Variants in P3H4 observed in about 807,000 individuals in gnomAD.
P3H4 encodes endoplasmic reticulum protein SC65.
A neutral mutation model predicts 52.9 loss-of-function variants in P3H4; 47 were observed. That is an observed-to-expected ratio of 0.89 (90% CI 0.70 to 1.13). P3H4 has a LOEUF of 1.13. Among genes scored for constraint, P3H4 ranks in the 50% most tolerant of loss-of-function variants. The pLI is 0.00. For synonymous variants in P3H4, 256 were observed against 267.9 expected, an observed-to-expected ratio of 0.96 and a Z score of 0.44; for missense variants, 585 against 611.0, an observed-to-expected ratio of 0.96 and a Z score of 0.45.
chr17:41,811,394 T>G lies in P3H4; in HGVS notation c.462+60A>C. 1 of 1,607,322 alleles carries G rather than the reference T, an allele frequency of 6.2e-7. No homozygotes were observed. Among genetic ancestry groups the G allele is most frequent in the Non-Finnish European group, 8.5e-7 (1 of 1,175,982 alleles). On this transcript the variant is annotated intron_variant, in intron 1 of 7. Coordinates refer to ENST00000393928, the MANE Select transcript of P3H4 (RefSeq NM_006455.3). This position sits in a 1 kb window ranked among gnomAD's most constrained non-coding sequence, Gnocchi z 4.8. Reference sequence around the variant, plus strand: ...GTGAAGATAACGCTCCTTCGACCGATCTGTGGGGAGCCACGACGCCCAGCC... The same window carrying G: ...GTGAAGATAACGCTCCTTCGACCGAGCTGTGGGGAGCCACGACGCCCAGCC...
Position 41,811,908 on chromosome 17 carries a change from C to A in P3H4, c.8G>T (p.Arg3Leu). 1 of 1,503,770 alleles carries A rather than the reference C, an allele frequency of 6.6e-7. No individual in the cohort carries two copies. The highest frequency in any genetic ancestry group is 1.2e-5 in the South Asian group (1 of 80,934). 93.2% of individuals were successfully genotyped at this position (1,503,770 alleles called of 1,614,324 possible). A position where few individuals can be genotyped will look rare whatever the true frequency, so the allele number is the denominator to read the frequency against. Residue 3 changes from arginine (R) to leucine (L), a missense_variant, in exon 1 of 8, where the codon CGG (arginine) becomes CTG (leucine). Arg to Leu is a moderately radical substitution (Grantham distance 102). Transcript: ENST00000393928. This position sits in a 1 kb window ranked among gnomAD's most constrained non-coding sequence, Gnocchi z 4.8. MA[R>L]VAWGLLWLLL... ...CAACCACAGCAGCCCCCACGCCACC[C>A]GAGCCATGCCCGCCGCGCCGCCGGC...
intron 6 of P3H4, among the ~76,000 whole-genome samples, chr17:41,806,074 CCAGGCG>C (rs1555614140): frequency 6.6e-6 from 1 of 151,910 alleles, no homozygotes. Context: ...CAAAAATTAG[CCAGGCG>C]TGGTGGTGCA....
At chr17:41,806,482 G>A (rs2047675417) in intron 6 of P3H4, among the ~76,000 whole-genome samples, 1 of 152,210 alleles carries the variant, frequency 6.6e-6, no homozygotes, top group Non-Finnish European at 1.5e-5. Context: ...AGGTGGCCAG[G>A]GAGGCACACA....
rs139379203 is a variant in P3H4 at position 41,805,537 on chromosome 17, C to T, written c.1146+1259G>A. ...ACAGGGTTTCACTATGTTGGCCAGG[C>T]TCGTCTTGAACTCCTGATCTCAGGT... On this transcript the variant is annotated intron_variant, in intron 6 of 7. Transcript: ENST00000393928. Among the ~76,000 whole-genome samples, 760 of 152,068 alleles carry T rather than the reference C, an allele frequency of 5.0e-3. 8 individuals carry two copies. Among genetic ancestry groups the T allele is most frequent in the African/African-American group, 0.018 (727 of 41,518 alleles).
chr17:41,808,145 G>T, intron 4 of P3H4, 141 bp from the exon 5 acceptor site: 1 of 1,062,318 alleles, frequency 9.4e-7, no homozygotes, highest in Non-Finnish European at 1.3e-6. Context: ...CAAGCATAAT[G>T]CCAGCTAGCA....
At position 41,809,715 on chromosome 17, in the gene P3H4, A is replaced by G. The variant is rs1567849455; in HGVS notation, c.907T>C (p.Tyr303His). The G allele has an allele frequency of 1.2e-6, 2 of 1,613,226 alleles. No homozygotes were observed. The highest frequency in any genetic ancestry group is 1.7e-6 in the Non-Finnish European group (2 of 1,179,836). Residue 303 changes from tyrosine to histidine, a missense_variant, in exon 4 of 8, where the codon TAC (tyrosine) becomes CAC (histidine). Transcript: ENST00000393928. Reference sequence around the variant, plus strand: ...CACCCAGGGGGCTCACACTTATAGTAGGCAAACTGCAGGTAGTGGTACATG... The same window carrying G: ...CACCCAGGGGGCTCACACTTATAGTGGGCAAACTGCAGGTAGTGGTACATG... The part of the protein sequence containing the change: ...ATMYHYLQFA[Y>H]YKLNDVRQAA...
intron 6 of P3H4, among the ~76,000 whole-genome samples, chr17:41,803,982 T>G (rs2047645810): frequency 6.7e-6 from 1 of 150,030 alleles, no homozygotes; most frequent in Non-Finnish European, 1.5e-5. Context: ...AGACGGAGTC[T>G]GCTCTGTTGC....
At chr17:41,807,659 G>A (rs2047687377) in intron 5 of P3H4, among the ~76,000 whole-genome samples, 200 bp downstream of exon 5, 1 of 152,066 alleles carries the variant, frequency 6.6e-6, no homozygotes, top group South Asian at 2.1e-4. Flanking sequence ...CACCATGCCT[G>A]GCTAATTTTT....
rs35539556 is a variant in P3H4, at chr17:41,802,277, G to GTTTT, written c.*676_*679dup. 1.0e-4 allele frequency: 14 copies of GTTTT among 134,812 alleles called. 1 individual carries two copies. The highest frequency in any genetic ancestry group is 4.7e-4 in the South Asian group (2 of 4,276). The allele number at this position is 134,812 out of a possible 1,614,324, so 8.4% of individuals were successfully genotyped here. The stretch of plus-strand genomic sequence containing the variant: ...GTCCAGTCAGCTGTGTCCATCTTAA[G>GTTTT]TTTTTTTTTTTTTTTTTGAGATGGA... On this transcript the variant is annotated 3_prime_UTR_variant, in exon 8 of 8. Transcript: ENST00000393928.
rs1555615202 is a variant in P3H4 at position 41,811,614 on chromosome 17, C to T, written c.302G>A (p.Cys101Tyr). The T allele has an allele frequency of 2.6e-6, 4 of 1,530,596 alleles. No homozygotes were observed. In the East Asian group the frequency reaches 9.9e-5, roughly 38 times the overall value. The allele number at this position is 1,530,596 out of a possible 1,614,324, so 94.8% of individuals were successfully genotyped here. A position where few individuals can be genotyped will look rare whatever the true frequency, so the allele number is the denominator to read the frequency against. The change falls in exon 1 of 8, where the codon TGC (cysteine) becomes TAC (tyrosine). Residue 101 changes from cysteine (C) to tyrosine (Y), a missense_variant. Physicochemically the swap from Cys to Tyr is radical, Grantham distance 194 (BLOSUM62 -2). Transcript: ENST00000393928. The surrounding 1 kb of genome is among the most constrained non-coding windows in gnomAD (Gnocchi z 4.8). ...GACGCGGCCGAAGAGCCGCAGCTCGCAGGCCCACTCGTCTGCGCGGCCGCC... is the reference window on the plus strand; with the variant it reads ...GACGCGGCCGAAGAGCCGCAGCTCGTAGGCCCACTCGTCTGCGCGGCCGCC... ...PDGGRADEWA[C>Y]ELRLFGRVLE...
At chr17:41,804,083 C>G (rs1397428333) in intron 6 of P3H4, among the ~76,000 whole-genome samples, 1 of 152,008 alleles carries the variant, frequency 6.6e-6, no homozygotes, top group Non-Finnish European at 1.5e-5. Flanking sequence ...TCCCCAGCAG[C>G]TGGGAATATA....
intron 7 of P3H4, 52 bp from the exon 8 acceptor site, chr17:41,803,031 G>A (rs2047634541): frequency 2.5e-6 from 4 of 1,596,192 alleles, no homozygotes; most frequent in Non-Finnish European, 3.4e-6. Flanking sequence ...CACTCCCAAT[G>A]GGTGTCCAGG....
chr17:41,810,582 C>A, intron 3 of P3H4: 1 of 418,842 alleles, frequency 2.4e-6, no homozygotes, highest in Non-Finnish European at 4.3e-6. Flanking sequence ...TGGGTTACTT[C>A]TCACCGCTGC....
In P3H4 at chr17:41,811,173, C is replaced by T. The variant is rs897440302; in HGVS notation, c.574G>A (p.Ala192Thr). The part of the protein sequence containing the change: ...LNYYQGMLDV[A>T]DESLTDLEAQ... ...TCTAGGTCCGTGAGGGACTCGTCGGCGACGTCCAGCATCCCCTGATAGTAG... is the reference window on the plus strand; with the variant it reads ...TCTAGGTCCGTGAGGGACTCGTCGGTGACGTCCAGCATCCCCTGATAGTAG... Residue 192 changes from alanine to threonine, a missense_variant, in exon 2 of 8, where the codon GCC becomes ACC. Physicochemically the swap from Ala to Thr is moderately conservative, Grantham distance 58. Transcript: ENST00000393928. The surrounding 1 kb of genome is among the most constrained non-coding windows in gnomAD (Gnocchi z 4.8). The T allele has an allele frequency of 2.7e-5, 43 of 1,614,074 alleles. No homozygotes were observed. The highest frequency in any genetic ancestry group is 3.4e-5 in the Non-Finnish European group (40 of 1,180,040).
chr17:41,803,068 G>T, intron 7 of P3H4, 89 bp from the exon 8 acceptor site: 1 of 1,505,640 alleles, frequency 6.6e-7, no homozygotes. Context: ...GGTGGGGTGA[G>T]GCTCCCCCGG....
intron 6 of P3H4, among the ~76,000 whole-genome samples, chr17:41,804,384 G>C (rs2047651378): frequency 1.3e-5 from 2 of 152,118 alleles, no homozygotes; most frequent in Non-Finnish European, 2.9e-5. Flanking sequence ...CCAGCACTTT[G>C]GGAGGCTGAG....
intron 4 of P3H4, among the ~76,000 whole-genome samples, chr17:41,808,879 T>G (rs2047701067): frequency 6.6e-6 from 1 of 152,172 alleles, no homozygotes; most frequent in South Asian, 2.1e-4. Flanking sequence ...CTGCTCTGAC[T>G]CCTGGCTCTG....
At position 41,811,217 on chromosome 17, in the gene P3H4, A is replaced by C; in HGVS notation, c.530T>G (p.Leu177Arg). 6.2e-7 allele frequency: 1 copy of C among 1,614,134 alleles called. No individual in the cohort carries two copies. Among genetic ancestry groups the C allele is most frequent in the Non-Finnish European group, 8.5e-7 (1 of 1,180,034 alleles). ...ATAGTAGTTGAGATACTTGGCGGTC[A>C]GCTCGTGCTTCGGGTTCCTCTGGAG... is the stretch of plus-strand genomic sequence containing the variant. ...TFLQRNPKHE[L>R]TAKYLNYYQG... Residue 177 changes from leucine (L) to arginine (R), a missense_variant, in exon 2 of 8, where the codon CTG (leucine) becomes CGG (arginine). By Grantham distance (102) the Leu-to-Arg change is moderately radical. Transcript: ENST00000393928. The surrounding 1 kb of genome is among the most constrained non-coding windows in gnomAD (Gnocchi z 4.8).
chr17:41,811,048 G>A lies in P3H4; in HGVS notation c.616-14C>T. 1.9e-6 allele frequency: 3 copies of A among 1,609,378 alleles called. No homozygotes were observed. Among genetic ancestry groups the A allele is most frequent in the Non-Finnish European group, 2.6e-6 (3 of 1,176,390 alleles). On this transcript the variant is annotated splice_polypyrimidine_tract_variant and intron_variant, in intron 2 of 7. Coordinates refer to ENST00000393928, the MANE Select transcript of P3H4 (RefSeq NM_006455.3). The surrounding 1 kb of genome is among the most constrained non-coding windows in gnomAD (Gnocchi z 4.8). The stretch of plus-strand genomic sequence containing the variant: ...GAGGAACACGGCCTGGAAGGGGCGT[G>A]GCAGGGGGAGTCAGGGCGCCCCCAA...
Sources: gnomAD v4.1 joint callset for allele counts (sites outside exome capture counted in the v4.1 genomes callset) on GRCh38, gnomAD v4.1.1 for gene constraint, Gnocchi (gnomAD v3.1) non-coding constraint, MANE v1.5 for transcripts, NCBI Gene and HGNC (gene_info 2026-07-23, HGNC 2026-07-21) for gene names.